Variants in COL4A6 observed in about 807,000 individuals in gnomAD.
COL4A6 encodes the protein collagen alpha-6(IV) chain.
Under a neutral mutation model 126.7 loss-of-function variants are expected in COL4A6, and 59 were observed. The ratio of observed to expected loss-of-function variants is 0.47; its 90% confidence interval spans 0.38 to 0.58. The LOEUF (loss-of-function observed/expected upper bound fraction) is 0.58. Ranked by LOEUF, COL4A6 falls within the 20% of genes least tolerant of loss-of-function variation. The pLI is 0.00. For missense variants in COL4A6, 1,285 were observed against 1,337.3 expected, an observed-to-expected ratio of 0.96 and a Z score of 0.61; for synonymous variants, 547 against 496.6, an observed-to-expected ratio of 1.10 and a Z score of -1.35.
In COL4A6 at chrX:108,188,563, C is replaced by T. The variant is rs373226128; in HGVS notation, c.1541G>A (p.Arg514Lys). 4.3e-5 allele frequency: 52 copies of T among 1,198,562 alleles called. No individual in the cohort carries two copies. The highest frequency in any genetic ancestry group is 1.1e-4 in the African/African-American group (6 of 56,668). ...LIGLPGLKGA[R>K]GDRGSGGAQG... Reference sequence around the variant, plus strand: ...TGCACCCCCAGAGCCTCGATCTCCTCTGGCTCCTTTAAGGCCTGGAAGGCC... The same window carrying T: ...TGCACCCCCAGAGCCTCGATCTCCTTTGGCTCCTTTAAGGCCTGGAAGGCC... Residue 514 changes from arginine (R) to lysine (K), a missense_variant, in exon 21 of 45, where the codon AGA becomes AAA. Physicochemically the swap from Arg to Lys is conservative, Grantham distance 26 (BLOSUM62 2). Coordinates refer to ENST00000334504, the MANE Select transcript of COL4A6 (RefSeq NM_033641.4).
chrX:108,349,533 T>A (rs764462843), intron 2 of COL4A6, among the ~76,000 whole-genome samples: 2 of 111,835 alleles, frequency 1.8e-5, no homozygotes, highest in Non-Finnish European at 3.8e-5. Context: ...CATTTCCTCA[T>A]CTGTAAAATA....
At chrX:108,410,213 A>T (rs1261541669) in intron 2 of COL4A6, among the ~76,000 whole-genome samples, 4 of 111,316 alleles carry the variant, frequency 3.6e-5, no homozygotes, top group Admixed American at 9.5e-5. Flanking sequence ...CACTAAGTCA[A>T]GGACCCTTTT....
intron 40 of COL4A6, among the ~76,000 whole-genome samples, chrX:108,164,124 G>T (rs747686981): frequency 8.9e-6 from 1 of 111,780 alleles, no homozygotes; most frequent in South Asian, 3.8e-4. Context: ...GGGGAGGAAG[G>T]GTGCTGCATG....
intron 2 of COL4A6, among the ~76,000 whole-genome samples, chrX:108,418,898 A>G (rs1212969147): frequency 8.9e-6 from 1 of 112,292 alleles, no homozygotes; most frequent in African/African-American, 3.2e-5. Flanking sequence ...ACCCTGGACC[A>G]CCCGTGTGAC....
chrX:108,297,805 A>G (rs1448418052), intron 3 of COL4A6, among the ~76,000 whole-genome samples: 1 of 110,360 alleles, frequency 9.1e-6, no homozygotes, highest in Non-Finnish European at 1.9e-5. Context: ...TTGCACTGCA[A>G]TTAGTGTTCC....
chrX:108,283,777 A>G (rs1231999944), intron 3 of COL4A6, among the ~76,000 whole-genome samples: 1 of 111,586 alleles, frequency 9.0e-6, no homozygotes, highest in Non-Finnish European at 1.9e-5. Flanking sequence ...AAAGGCATAC[A>G]AAGTGACAAG....
intron 2 of COL4A6, among the ~76,000 whole-genome samples, chrX:108,366,625 C>A (rs902832854): frequency 8.9e-6 from 1 of 111,874 alleles, no homozygotes; most frequent in Non-Finnish European, 1.9e-5. Context: ...TGGGGTGGCA[C>A]CTGCTAATAT....
intron 3 of COL4A6, among the ~76,000 whole-genome samples, chrX:108,248,599 A>G (rs966031934): frequency 2.7e-5 from 3 of 111,339 alleles, no homozygotes; most frequent in African/African-American, 9.8e-5. Context: ...CACTCATTGT[A>G]TTACCTAAGC....
chrX:108,286,031 T>C (rs867618441), intron 3 of COL4A6, among the ~76,000 whole-genome samples: 9 of 111,922 alleles, frequency 8.0e-5, no homozygotes, highest in Non-Finnish European at 1.5e-4. Flanking sequence ...AGTGACTTTA[T>C]TAGGAAAGAA....
At chrX:108,181,259 G>A (rs759579830) in intron 23 of COL4A6, among the ~76,000 whole-genome samples, 1 of 112,442 alleles carries the variant, frequency 8.9e-6, no homozygotes, top group South Asian at 3.7e-4. Flanking sequence ...ACCTAACAAG[G>A]TTTCTTAGAG....
chrX:108,341,667 G>T (rs1420374590), intron 2 of COL4A6, among the ~76,000 whole-genome samples: 1 of 110,614 alleles, frequency 9.0e-6, no homozygotes, highest in African/African-American at 3.3e-5. Flanking sequence ...CGTGAAAACA[G>T]ACTAATACAC....
intron 6 of COL4A6, among the ~76,000 whole-genome samples, chrX:108,212,231 T>TA (rs35020607): frequency 1.3e-3 from 125 of 98,415 alleles, no homozygotes; most frequent in East Asian, 3.8e-3. Flanking sequence ...TTTTATTATT[T>TA]AAAAAAAAAA....
At chrX:108,406,278 CTG>C (rs1179606278) in intron 2 of COL4A6, among the ~76,000 whole-genome samples, 1 of 112,036 alleles carries the variant, frequency 8.9e-6, no homozygotes, top group Non-Finnish European at 1.9e-5. Flanking sequence ...GCCCATGAAT[CTG>C]TTTTTTCCAC....
At chrX:108,347,474 C>T (rs1443569280) in intron 2 of COL4A6, among the ~76,000 whole-genome samples, 1 of 111,805 alleles carries the variant, frequency 8.9e-6, no homozygotes, top group Non-Finnish European at 1.9e-5. Flanking sequence ...TGTCTTTCAA[C>T]GTTGGCCTTC....
intron 2 of COL4A6, among the ~76,000 whole-genome samples, chrX:108,388,626 C>T: frequency 9.0e-6 from 1 of 111,339 alleles, no homozygotes; most frequent in Non-Finnish European, 1.9e-5. Flanking sequence ...ATTAGTCTGG[C>T]TATCAGTCTA....
At chrX:108,300,876 AAC>A (rs2038472002) in intron 3 of COL4A6, among the ~76,000 whole-genome samples, 1 of 111,533 alleles carries the variant, frequency 9.0e-6, no homozygotes, top group Non-Finnish European at 1.9e-5. Context: ...AACCTCACAA[AAC>A]ACAATGAGAT....
chrX:108,419,362 A>G (rs1254116371), intron 2 of COL4A6, among the ~76,000 whole-genome samples: 2 of 111,841 alleles, frequency 1.8e-5, no homozygotes, highest in African/African-American at 6.5e-5. Flanking sequence ...TTATTGATCC[A>G]TTCAGGGCCA....
At chrX:108,205,829 TC>T in intron 9 of COL4A6, 134 bp from the exon 10 acceptor site, 1 of 514,332 alleles carries the variant, frequency 1.9e-6, no homozygotes, top group South Asian at 3.4e-5. Flanking sequence ...TAGCTGTCTT[TC>T]CTATGGTTCC....
chrX:108,195,856 T>C (rs1298420992), intron 14 of COL4A6, among the ~76,000 whole-genome samples: 1 of 111,228 alleles, frequency 9.0e-6, no homozygotes, highest in African/African-American at 3.3e-5. Context: ...AATGGATAAG[T>C]ATGGCTGAAT....
Sources: allele counts gnomAD v4.1 joint callset (sites outside exome capture counted in the v4.1 genomes callset), GRCh38; gene constraint gnomAD v4.1.1; transcripts MANE v1.5; gene names NCBI Gene and HGNC (gene_info 2026-07-23, HGNC 2026-07-21).